Variants in ADGRE3 observed in about 807,000 individuals in gnomAD.
ADGRE3 encodes the protein adhesion G protein-coupled receptor E3, also known as EGF-like module receptor 3.
Under a neutral mutation model 80.1 loss-of-function variants are expected in ADGRE3, and 88 were observed. That is an observed-to-expected ratio of 1.10 (90% confidence interval 0.93 to 1.31). The LOEUF (loss-of-function observed/expected upper bound fraction) is 1.31. Ranked by LOEUF, ADGRE3 falls within the 40% of genes most tolerant of loss-of-function variation. The pLI, the probability that ADGRE3 is intolerant of heterozygous loss-of-function variation, is 0.00. For missense variants in ADGRE3, 715 were observed against 776.5 expected (o/e 0.92, Z 0.94); for synonymous variants, 281 against 294.8 (o/e 0.95, Z 0.48).
chr19:14,619,206 T>A lies in ADGRE3; in HGVS notation c.*227A>T. On this transcript the variant is annotated 3_prime_UTR_variant, in exon 16 of 16. Coordinates refer to ENST00000253673, the MANE Select transcript of ADGRE3 (RefSeq NM_032571.5). ...ATTTGCAGTGGTCATGCTTTGGGTT[T>A]CCAGGGACAAGCATTGACTGAATAC... is the stretch of plus-strand genomic sequence containing the variant. The A allele has an allele frequency of 3.9e-6, 2 of 517,040 alleles. No homozygotes were observed. Among genetic ancestry groups the A allele is most frequent in the Non-Finnish European group, 6.8e-6 (2 of 294,902 alleles). 32.0% of individuals were successfully genotyped at this position (517,040 alleles called of 1,614,324 possible).
intron 11 of ADGRE3, among the ~76,000 whole-genome samples, chr19:14,636,053 C>CT (rs71166769): frequency 0.24 from 16,578 of 70,054 alleles, 3,342 homozygotes; most frequent in South Asian, 0.36. Context: ...TCCTTCCTTC[C>CT]TTCCTTCCTT....
the ADGRE3 span, chr19:14,610,325 C>T: frequency 1.5e-6 from 2 of 1,314,710 alleles, no homozygotes; most frequent in Non-Finnish European, 2.1e-6. Context: ...GATTGGCACC[C>T]TGGATGCAGC....
Position 14,647,321 on chromosome 19 carries a change from T to A in ADGRE3, c.742A>T (p.Ile248Phe). The A allele has an allele frequency of 6.2e-7, 1 of 1,612,698 alleles. No individual in the cohort carries two copies. Among genetic ancestry groups the A allele is most frequent in the Non-Finnish European group, 8.5e-7 (1 of 1,178,738 alleles). Reference sequence around the variant, plus strand: ...TCTTCAAAAAAAGTTGCATTTATGATGTTTCCAAGAGAAGAATATGAGATA... The same window carrying A: ...TCTTCAAAAAAAGTTGCATTTATGAAGTTTCCAAGAGAAGAATATGAGATA... ...AFISYSSLGN[I>F]INATFFEEMD... The change falls in exon 8 of 16, where the codon ATC becomes TTC. Residue 248 changes from isoleucine (I) to phenylalanine (F), a missense_variant. By Grantham distance (21) the Ile-to-Phe change is conservative. Transcript: ENST00000253673.
Position 14,651,195 on chromosome 19 carries a change from G to A in ADGRE3, c.587C>T (p.Thr196Ile). 1.2e-6 allele frequency: 2 copies of A among 1,614,038 alleles called. No individual in the cohort carries two copies. Among genetic ancestry groups the A allele is most frequent in the Middle Eastern group, 1.7e-4 (1 of 6,060 alleles). ...AGAGCAATTGTCTGTAATCGCTTGA[G>A]TTTCAATAGCTGGTAAGAAAAGCAA... is the stretch of plus-strand genomic sequence containing the variant. ...KIQNDSVAIETQAITDNCSEE... is the reference protein window; with the variant it reads ...KIQNDSVAIEIQAITDNCSEE... Residue 196 changes from threonine to isoleucine, a missense_variant, in exon 7 of 16, where the codon ACT (threonine) becomes ATT (isoleucine). Physicochemically the swap from Thr to Ile is moderately conservative, Grantham distance 89. Transcript: ENST00000253673.
chr19:14,623,394 G>A (rs992699184), intron 15 of ADGRE3, among the ~76,000 whole-genome samples: 4 of 151,932 alleles, frequency 2.6e-5, no homozygotes, highest in African/African-American at 9.7e-5. Context: ...ACCATGCCCA[G>A]CCTCTTTTTA....
chr19:14,612,952 G>A, the ADGRE3 span, among the ~76,000 whole-genome samples: 1 of 151,134 alleles, frequency 6.6e-6, no homozygotes, highest in Non-Finnish European at 1.5e-5. Flanking sequence ...TTGTGACAGA[G>A]TCTTGCTCTG....
intron 15 of ADGRE3, among the ~76,000 whole-genome samples, chr19:14,620,548 T>TATATAATATATATATATATATATA: frequency 1.2e-4 from 3 of 24,976 alleles, no homozygotes; most frequent in East Asian, 1.5e-3. Flanking sequence ...TATATATATA[T>TATATAATATATATATATATATATA]TATATATATA....
chr19:14,607,057 A>G, the ADGRE3 span: 1 of 1,355,198 alleles, frequency 7.4e-7, no homozygotes, highest in Non-Finnish European at 9.6e-7. Context: ...GACAGGGCCC[A>G]GGAAGGGGAC....
intron 8 of ADGRE3, among the ~76,000 whole-genome samples, chr19:14,644,920 T>G (rs1380841193): frequency 6.6e-6 from 1 of 151,694 alleles, no homozygotes; most frequent in Non-Finnish European, 1.5e-5. Context: ...GAGATGGGGT[T>G]TCAACATATT....
At chr19:14,644,708 T>C (rs980505535) in intron 8 of ADGRE3, among the ~76,000 whole-genome samples, 1 of 151,918 alleles carries the variant, frequency 6.6e-6, no homozygotes. Context: ...GTGTGAAGAG[T>C]GACTCAGGTG....
chr19:14,617,683 C>T (rs10424356), downstream of ADGRE3, among the ~76,000 whole-genome samples: 64,047 of 151,670 alleles, frequency 0.42, 13,618 homozygotes, highest in East Asian at 0.62. Context: ...CAGGCGTGAG[C>T]CACTGCACCC....
At chr19:14,610,339 T>G in the ADGRE3 span, 2 of 1,154,256 alleles carry the variant, frequency 1.7e-6, no homozygotes, top group Non-Finnish European at 2.4e-6. Context: ...ATGCAGCAAG[T>G]TCCCAGGGGT....
In ADGRE3 at chr19:14,620,548, T is replaced by TG; in HGVS notation, c.1921-1078_1921-1077insC. On this transcript the variant is annotated intron_variant, in intron 15 of 15. Transcript: ENST00000253673. ...TGAATATATATATTTTATATATATA[T>TG]TATATATATATATATATATATTTTT... is the stretch of plus-strand genomic sequence containing the variant. Among the ~76,000 whole-genome samples the TG allele has an allele frequency of 5.2e-3, 130 of 24,952 alleles. 15 individuals carry two copies. The highest frequency in any genetic ancestry group is 9.4e-3 in the Admixed American group (12 of 1,274). 16.4% of individuals were successfully genotyped at this position (24,952 alleles called of 152,430 possible).
chr19:14,616,422 G>T (rs1476489796), downstream of ADGRE3, among the ~76,000 whole-genome samples: 1 of 152,018 alleles, frequency 6.6e-6, no homozygotes, highest in East Asian at 1.9e-4. Context: ...AGATGAGTTT[G>T]TGAAATGGTT....
intron 5 of ADGRE3, among the ~76,000 whole-genome samples, chr19:14,657,344 C>T (rs992258386): frequency 9.2e-5 from 14 of 152,092 alleles, no homozygotes; most frequent in East Asian, 5.8e-4. Context: ...GTCAGTTGGC[C>T]GGAGACAATA....
Position 14,647,268 on chromosome 19 carries a change from C to T in ADGRE3, c.795G>A (p.Leu265=). The T allele has an allele frequency of 6.2e-7, 1 of 1,613,622 alleles. No individual in the cohort carries two copies. ...TAGCAGCACTCACAACCTGAGAGTT[C>T]AGATACACTTGATCTTTCTTATCCA... is the stretch of plus-strand genomic sequence containing the variant. The part of the protein sequence containing the change: ...EEMDKKDQVY[L]NSQVVSAAIG... Residue 265 remains leucine (L), a synonymous_variant, in exon 8 of 16, where the codon CTG becomes CTA. Coordinates refer to ENST00000253673, the MANE Select transcript of ADGRE3 (RefSeq NM_032571.5).
At chr19:14,617,302 CCT>C (rs1259075755), downstream of ADGRE3, among the ~76,000 whole-genome samples, 1 of 145,806 alleles carries the variant, frequency 6.9e-6, no homozygotes, top group Non-Finnish European at 1.5e-5. Flanking sequence ...TCTCTCTCTT[CCT>C]CTCTCTCTTC....
At chr19:14,644,401 A>G in intron 8 of ADGRE3, 126 bp from the exon 9 acceptor site, 1 of 576,608 alleles carries the variant, frequency 1.7e-6, no homozygotes, top group African/African-American at 2.0e-5. Context: ...GCTCACTGCA[A>G]CCTCCGCTTC....
At chr19:14,642,889 A>G (rs1021342942) in intron 9 of ADGRE3, among the ~76,000 whole-genome samples, 2 of 152,204 alleles carry the variant, frequency 1.3e-5, no homozygotes, top group East Asian at 1.9e-4. Flanking sequence ...TGCAGTGAAC[A>G]TACATGTGCA....
Sources: gnomAD v4.1 joint callset for allele counts (sites outside exome capture counted in the v4.1 genomes callset) on GRCh38, gnomAD v4.1.1 for gene constraint, MANE v1.5 for transcripts, NCBI Gene and HGNC (gene_info 2026-07-23, HGNC 2026-07-21) for gene names.